Variants in TMPRSS11E observed in about 807,000 individuals in gnomAD.
TMPRSS11E encodes the protein transmembrane protease serine 11E.
Under a neutral mutation model 48.1 loss-of-function variants are expected in TMPRSS11E, and 38 were observed. That is an observed-to-expected ratio of 0.79 (90% CI 0.61 to 1.04). TMPRSS11E has a LOEUF of 1.04. Ranked by LOEUF, TMPRSS11E falls within the 50% of genes least tolerant of loss-of-function variation. TMPRSS11E has a pLI of 0.00. For missense variants in TMPRSS11E, 530 were observed against 510.8 expected, an observed-to-expected ratio of 1.04 and a Z score of -0.36; for synonymous variants, 158 against 171.9, an observed-to-expected ratio of 0.92 and a Z score of 0.63.
intron 9 of TMPRSS11E, among the ~76,000 whole-genome samples, chr4:68,489,485 C>A (rs1003677743): frequency 6.6e-6 from 1 of 152,048 alleles, no homozygotes; most frequent in African/African-American, 2.4e-5. Flanking sequence ...CACAGGCATG[C>A]GTGCTGGTGG....
At chr4:68,472,896 T>A (rs972101455) in intron 5 of TMPRSS11E, among the ~76,000 whole-genome samples, 7 of 152,064 alleles carry the variant, frequency 4.6e-5, no homozygotes, top group African/African-American at 1.7e-4. Context: ...GAGAAAAAAA[T>A]TAAATTTGTA....
chr4:68,460,826 T>C (rs939390871), intron 1 of TMPRSS11E, among the ~76,000 whole-genome samples: 5 of 152,092 alleles, frequency 3.3e-5, no homozygotes, highest in Non-Finnish European at 5.9e-5. Context: ...ACATGTATTT[T>C]TGAAGGCAGA....
intron 2 of TMPRSS11E, among the ~76,000 whole-genome samples, chr4:68,462,668 T>C (rs1234998453): frequency 2.6e-5 from 4 of 152,088 alleles, no homozygotes; most frequent in African/African-American, 9.7e-5. Context: ...AGAAGTAGGC[T>C]CTATTCTGTA....
chr4:68,459,628 C>T (rs866742453), intron 1 of TMPRSS11E, among the ~76,000 whole-genome samples: 2 of 152,138 alleles, frequency 1.3e-5, no homozygotes, highest in South Asian at 4.1e-4. Flanking sequence ...CCTACTTCAT[C>T]AATAGAATGG....
Position 68,477,368 on chromosome 4 carries a change from G to T in TMPRSS11E, c.708-1G>T. 8 of 1,601,828 alleles carry T rather than the reference G, an allele frequency of 5.0e-6. No homozygotes were observed. The highest frequency in any genetic ancestry group is 6.0e-6 in the Non-Finnish European group (7 of 1,176,004). Reference sequence around the variant, plus strand: ...TTTATTCTTCATTTTTTTCTCCCCAGATATAAGAACCCTGCCAGATGGACT... The same window carrying T: ...TTTATTCTTCATTTTTTTCTCCCCATATATAAGAACCCTGCCAGATGGACT... On this transcript the variant is annotated splice_acceptor_variant, in intron 7 of 9. Transcript: ENST00000305363. LOFTEE classifies it high-confidence loss of function.
intron 9 of TMPRSS11E, among the ~76,000 whole-genome samples, chr4:68,487,389 A>G (rs1002192699): frequency 2.6e-5 from 4 of 151,816 alleles, no homozygotes; most frequent in African/African-American, 9.7e-5. Context: ...AGTACCTGGG[A>G]TTACAAATGC....
chr4:68,496,863 A>G lies in TMPRSS11E; in HGVS notation c.*59A>G. The G allele has an allele frequency of 5.4e-6, 8 of 1,489,682 alleles. No individual in the cohort carries two copies. Among genetic ancestry groups the G allele is most frequent in the Non-Finnish European group, 6.4e-6 (7 of 1,099,360 alleles). The allele number at this position is 1,489,682 out of a possible 1,614,324, so 92.3% of individuals were successfully genotyped here. On this transcript the variant is annotated 3_prime_UTR_variant, in exon 10 of 10. Coordinates refer to ENST00000305363, the MANE Select transcript of TMPRSS11E (RefSeq NM_014058.4). ...TTTTTGTTTTTTGGGTGTGGAGGCC[A>G]TTTTTAGAGATACAGAATTGGAGAA...
rs1177167460 is a variant in TMPRSS11E at position 68,477,633 on chromosome 4, G to C, written c.967+5G>C. 1.2e-6 allele frequency: 2 copies of C among 1,610,748 alleles called. No individual in the cohort carries two copies. The highest frequency in any genetic ancestry group is 3.4e-5 in the Admixed American group (2 of 59,602). On this transcript the variant is annotated splice_donor_5th_base_variant and intron_variant, in intron 8 of 9. Transcript: ENST00000305363. ...TTGGAGCACTGAAAAATGATGGTGAGCATCGGAAGAGGAACTCAAGTAAAA... is the reference window on the plus strand; with the variant it reads ...TTGGAGCACTGAAAAATGATGGTGACCATCGGAAGAGGAACTCAAGTAAAA...
chr4:68,461,264 T>C (rs533709380), intron 1 of TMPRSS11E, among the ~76,000 whole-genome samples: 59 of 152,328 alleles, frequency 3.9e-4, no homozygotes, highest in African/African-American at 1.3e-3. Context: ...TTGTTTCTTC[T>C]ATGTATCCTC....
intron 2 of TMPRSS11E, among the ~76,000 whole-genome samples, chr4:68,465,219 C>A (rs977239295): frequency 4.6e-5 from 7 of 152,140 alleles, no homozygotes; most frequent in African/African-American, 1.7e-4. Context: ...TCACTTAGGT[C>A]TCTTGTACTC....
At chr4:68,495,075 A>G (rs1194968738) in intron 9 of TMPRSS11E, among the ~76,000 whole-genome samples, 1 of 152,198 alleles carries the variant, frequency 6.6e-6, no homozygotes, top group African/African-American at 2.4e-5. Context: ...TGCCTAAAAA[A>G]AAGCATATCT....
chr4:68,496,838 T>G lies in TMPRSS11E; in HGVS notation c.*34T>G, dbSNP rs1356788368. ...AGCCTCATGGAACAGATAACATTTT[T>G]TTTTGTTTTTTGGGTGTGGAGGCCA... On this transcript the variant is annotated 3_prime_UTR_variant, in exon 10 of 10. Transcript: ENST00000305363. 6.4e-7 allele frequency: 1 copy of G among 1,568,848 alleles called. No individual in the cohort carries two copies. Among genetic ancestry groups the G allele is most frequent in the East Asian group, 2.3e-5 (1 of 44,244 alleles).
intron 9 of TMPRSS11E, among the ~76,000 whole-genome samples, chr4:68,491,474 G>A (rs895653567): frequency 6.6e-6 from 1 of 151,892 alleles, no homozygotes; most frequent in African/African-American, 2.4e-5. Flanking sequence ...TTTAGCTGGG[G>A]AAAAAAGAAT....
rs542796602 is a variant in TMPRSS11E, at chr4:68,466,846, GATCCCTGTGT to G, written c.258+97_258+106del. 3,526 of 1,520,198 alleles carry G rather than the reference GATCCCTGTGT, an allele frequency of 2.3e-3. 6 individuals carry two copies. The highest frequency in any genetic ancestry group is 3.1e-3 in the Non-Finnish European group (3,397 of 1,109,690). The allele number at this position is 1,520,198 out of a possible 1,614,324, so 94.2% of individuals were successfully genotyped here. Reference sequence around the variant, plus strand: ...TTCTAAAAGATCCATTCAACTAACGGATCCCTGTGTATTTGCAAAATGAAAAGAGGCCCTA... The same window carrying G: ...TTCTAAAAGATCCATTCAACTAACGGATTTGCAAAATGAAAAGAGGCCCTA... On this transcript the variant is annotated intron_variant, in intron 3 of 9. Transcript: ENST00000305363.
At chr4:68,469,793 C>T (rs1202673332) in intron 4 of TMPRSS11E, among the ~76,000 whole-genome samples, 1 of 151,920 alleles carries the variant, frequency 6.6e-6, no homozygotes, top group Non-Finnish European at 1.5e-5. Flanking sequence ...ATATACACAT[C>T]CCCATGTGGA....
chr4:68,478,175 TCTCC>T (rs1282934707), intron 8 of TMPRSS11E, among the ~76,000 whole-genome samples: 2 of 118,130 alleles, frequency 1.7e-5, no homozygotes, highest in African/African-American at 3.2e-5. Context: ...TGAGACAGAG[TCTCC>T]TTGTTGAGAC....
intron 4 of TMPRSS11E, 151 bp from the exon 5 acceptor site, chr4:68,471,309 C>A: frequency 2.2e-6 from 1 of 453,226 alleles, no homozygotes. Context: ...TTCCTTTTTC[C>A]TTTCCCTTCT....
intron 3 of TMPRSS11E, among the ~76,000 whole-genome samples, chr4:68,467,621 A>AT (rs1181898050): frequency 6.6e-6 from 1 of 152,174 alleles, no homozygotes; most frequent in Non-Finnish European, 1.5e-5. Context: ...AGGTTAGATA[A>AT]TTTCCAAATT....
intron 2 of TMPRSS11E, among the ~76,000 whole-genome samples, chr4:68,463,325 C>T (rs554610326): frequency 3.0e-4 from 45 of 151,960 alleles, no homozygotes; most frequent in Middle Eastern, 3.4e-3. Flanking sequence ...CTTTTTGAGA[C>T]GGAGTCTTGG....
Sources: gnomAD v4.1 joint callset for allele counts (sites outside exome capture counted in the v4.1 genomes callset) on GRCh38, gnomAD v4.1.1 for gene constraint, MANE v1.5 for transcripts, NCBI Gene and HGNC (gene_info 2026-07-23, HGNC 2026-07-21) for gene names.